Variants in CYREN observed in about 807,000 individuals in gnomAD.
CYREN encodes cell cycle regulator of non-homologous end joining.
CYREN carries 7 observed loss-of-function variants against 9.7 expected under a neutral mutation model. The observed-to-expected ratio is 0.72, with a 90% CI of 0.41 to 1.36. The LOEUF (loss-of-function observed/expected upper bound fraction) is 1.36, where lower values mean the gene tolerates loss of function less well. Among genes scored for constraint, CYREN ranks in the 40% most tolerant of loss-of-function variants. CYREN has a pLI of 0.01. For synonymous variants in CYREN, 76 were observed against 77.9 expected (o/e 0.98, Z 0.13); for missense variants, 215 against 198.1 (o/e 1.09, Z -0.51).
At chr7:135,161,793 C>T (rs902042328), downstream of CYREN, among the ~76,000 whole-genome samples, 5 of 152,356 alleles carry the variant, frequency 3.3e-5, no homozygotes, top group South Asian at 8.3e-4. The surrounding 1 kb of genome is among the most constrained non-coding windows in gnomAD (Gnocchi z 4.1). Context: ...GACAGTGCCA[C>T]CCAAGGCAGC....
At chr7:135,124,330 T>G (rs1827561806) in intron 2 of CYREN, among the ~76,000 whole-genome samples, 1 of 151,876 alleles carries the variant, frequency 6.6e-6, no homozygotes, top group South Asian at 2.1e-4. Flanking sequence ...AAGGGAACAA[T>G]TCAACAAGAA....
downstream of CYREN, chr7:135,164,950 T>C: frequency 6.2e-7 from 1 of 1,611,412 alleles, no homozygotes; most frequent in East Asian, 2.2e-5. Flanking sequence ...GCCATGGCTG[T>C]GTTCCCTCTG....
Position 135,166,446 on chromosome 7 carries a change from T to G in CYREN, c.*165A>C. 5 of 1,097,790 alleles carry G rather than the reference T, an allele frequency of 4.6e-6. No individual in the cohort carries two copies. The highest frequency in any genetic ancestry group is 6.3e-6 in the Non-Finnish European group (5 of 797,836). 68.0% of individuals were successfully genotyped at this position (1,097,790 alleles called of 1,614,324 possible). A position where few individuals can be genotyped will look rare whatever the true frequency, so the allele number is the denominator to read the frequency against. ...AGAACGGCAGCCCCAAGGCCCGGAGTGTCCAGGGGCTTCTGGCCTGAGGTG... is the reference window on the plus strand; with the variant it reads ...AGAACGGCAGCCCCAAGGCCCGGAGGGTCCAGGGGCTTCTGGCCTGAGGTG... On this transcript the variant is annotated 3_prime_UTR_variant, in exon 4 of 4. Coordinates refer to ENST00000393114, the MANE Select transcript of CYREN (RefSeq NM_024033.4).
rs112177622 is a variant in CYREN at position 135,168,639 on chromosome 7, C to T, written c.137+147G>A. On this transcript the variant is annotated intron_variant, in intron 2 of 3. Transcript: ENST00000393114. ...GCTTTGCCTCCCGCCCACAGCCCCT[C>T]CACCTTCTAAAAGCTCAAGAGATGA... is the stretch of plus-strand genomic sequence containing the variant. 406 of 1,293,792 alleles carry T rather than the reference C, an allele frequency of 3.1e-4. 6 individuals are homozygous for T. The African/African-American group carries it at 5.0e-3, about 16-fold the overall frequency. 80.1% of individuals were successfully genotyped at this position (1,293,792 alleles called of 1,614,324 possible).
intron 2 of CYREN, among the ~76,000 whole-genome samples, chr7:135,119,223 C>T (rs1016111307): frequency 6.6e-6 from 1 of 151,834 alleles, no homozygotes; most frequent in Non-Finnish European, 1.5e-5. Flanking sequence ...CCAAGATACC[C>T]CAAAATTTAA....
intron 2 of CYREN, among the ~76,000 whole-genome samples, chr7:135,116,620 A>G (rs1225325585): frequency 6.6e-6 from 1 of 152,166 alleles, no homozygotes; most frequent in African/African-American, 2.4e-5. Flanking sequence ...GAGACTCTTT[A>G]TAGGCCAGTG....
chr7:135,171,197 C>G (rs985813416), upstream of CYREN, among the ~76,000 whole-genome samples: 14 of 152,064 alleles, frequency 9.2e-5, no homozygotes, highest in South Asian at 2.1e-4. Context: ...ATAACAATAG[C>G]TAGAATGGAA....
chr7:135,101,174 G>A (rs1335258110), intron 2 of CYREN: 1 of 455,892 alleles, frequency 2.2e-6, no homozygotes, highest in South Asian at 1.6e-5. Context: ...TTCCCCTCAA[G>A]GGAACTGATT....
chr7:135,121,888 A>C (rs1191215507), intron 2 of CYREN, among the ~76,000 whole-genome samples: 2 of 152,248 alleles, frequency 1.3e-5, no homozygotes, highest in African/African-American at 4.8e-5. Flanking sequence ...CTTTTTCCAC[A>C]GAACTGTGAA....
chr7:135,164,943 A>G (rs977821233), downstream of CYREN: 1 of 1,613,106 alleles, frequency 6.2e-7, no homozygotes, highest in Non-Finnish European at 8.5e-7. Context: ...GCTTATAGCC[A>G]TGGCTGTGTT....
At chr7:135,168,741 C>G (rs1480408469) in intron 2 of CYREN, 45 bp downstream of exon 2, 2 of 1,600,860 alleles carry the variant, frequency 1.2e-6, no homozygotes, top group East Asian at 2.2e-5. Flanking sequence ...GGCCCCTGCT[C>G]CACTTGCCAG....
intron 2 of CYREN, among the ~76,000 whole-genome samples, chr7:135,154,763 C>A (rs1829747376): frequency 6.6e-6 from 1 of 152,106 alleles, no homozygotes; most frequent in South Asian, 2.1e-4. Context: ...TCTTTTGTGG[C>A]CTTACATGTG....
At chr7:135,145,674 A>T (rs558566617) in intron 2 of CYREN, among the ~76,000 whole-genome samples, 1 of 152,330 alleles carries the variant, frequency 6.6e-6, no homozygotes, top group East Asian at 1.9e-4. Flanking sequence ...TTCAGAGAAG[A>T]TCAAAAGTTA....
At chr7:135,143,222 T>C (rs1829484870) in intron 2 of CYREN, among the ~76,000 whole-genome samples, 1 of 152,116 alleles carries the variant, frequency 6.6e-6, no homozygotes, top group African/African-American at 2.4e-5. Context: ...ACGGACTTAC[T>C]ATAGAGGTAC....
chr7:135,164,368 C>T, downstream of CYREN: 1 of 1,425,126 alleles, frequency 7.0e-7, no homozygotes, highest in Non-Finnish European at 9.7e-7. Flanking sequence ...TGTCTGGACA[C>T]AGGGAACAAG....
upstream of CYREN, among the ~76,000 whole-genome samples, chr7:135,171,365 G>C (rs2117583555): frequency 6.6e-6 from 1 of 150,870 alleles, no homozygotes; most frequent in South Asian, 2.1e-4. Context: ...AGGCAGCCCA[G>C]CGCCAGGCCC....
intron 2 of CYREN, among the ~76,000 whole-genome samples, chr7:135,096,163 A>G (rs1458734305): frequency 2.0e-5 from 3 of 151,834 alleles, no homozygotes; most frequent in Non-Finnish European, 4.4e-5. Flanking sequence ...AAAAAAAAAA[A>G]TTAATCTTTG....
At chr7:135,159,136 G>A (rs932437027) in intron 2 of CYREN, among the ~76,000 whole-genome samples, 3 of 152,162 alleles carry the variant, frequency 2.0e-5, no homozygotes, top group Non-Finnish European at 2.9e-5. Context: ...AAGCTGCCTC[G>A]AATCCTCTCC....
chr7:135,128,804 A>G, intron 2 of CYREN: 1 of 1,192,456 alleles, frequency 8.4e-7, no homozygotes, highest in Non-Finnish European at 1.2e-6. Flanking sequence ...ACAGACCAAG[A>G]GGAAACTGTG....
Sources: gnomAD v4.1 joint callset for allele counts (sites outside exome capture counted in the v4.1 genomes callset) on GRCh38, gnomAD v4.1.1 for gene constraint, Gnocchi (gnomAD v3.1) non-coding constraint, MANE v1.5 for transcripts, NCBI Gene and HGNC (gene_info 2026-07-23, HGNC 2026-07-21) for gene names.